The following PALM2AKAP2 variants were observed in gnomAD, a reference collection of about 807,000 sequenced individuals.
PALM2AKAP2 encodes PALM2-AKAP2 fusion protein.
Under a neutral mutation model 71.5 loss-of-function variants are expected in PALM2AKAP2, and 37 were observed. That is an observed-to-expected ratio of 0.52 (90% CI 0.40 to 0.68). PALM2AKAP2 has a LOEUF of 0.68. PALM2AKAP2 is among the 30% of genes least tolerant of loss of function. The pLI is 0.00. For missense variants in PALM2AKAP2, 1,224 were observed against 1,191.8 expected (o/e 1.03, Z -0.40); for synonymous variants, 468 against 478.8 (o/e 0.98, Z 0.29).
At chr9:109,842,728 A>G (rs1255175904) in intron 1 of PALM2AKAP2, among the ~76,000 whole-genome samples, 7 of 152,180 alleles carry the variant, frequency 4.6e-5, no homozygotes, top group African/African-American at 1.4e-4. Context: ...GTTCAAAATT[A>G]TCAAGGTCAG....
chr9:109,758,973 C>A (rs922108153), intron 1 of PALM2AKAP2, among the ~76,000 whole-genome samples: 1 of 152,006 alleles, frequency 6.6e-6, no homozygotes, highest in Admixed American at 6.6e-5. Flanking sequence ...GTGTTTCAAG[C>A]TATTTGTATT....
intron 1 of PALM2AKAP2, among the ~76,000 whole-genome samples, chr9:109,812,827 G>A (rs942307718): frequency 1.2e-4 from 18 of 151,966 alleles, no homozygotes; most frequent in African/African-American, 3.2e-4. Context: ...GCCTTGCTCC[G>A]TGATCTTCCC....
intron 3 of PALM2AKAP2, among the ~76,000 whole-genome samples, chr9:109,882,816 A>G (rs1344741576): frequency 7.0e-6 from 1 of 143,842 alleles, no homozygotes; most frequent in Non-Finnish European, 1.5e-5. Flanking sequence ...CATTATTATT[A>G]TTTTTTTTTT....
At chr9:110,006,452 A>G (rs1362209241) in intron 6 of PALM2AKAP2, among the ~76,000 whole-genome samples, 2 of 151,500 alleles carry the variant, frequency 1.3e-5, no homozygotes, top group African/African-American at 4.9e-5. Context: ...CCTGGGCTCA[A>G]GTGATGATCC....
intron 1 of PALM2AKAP2, among the ~76,000 whole-genome samples, chr9:109,855,659 T>C (rs1829143560): frequency 6.6e-6 from 1 of 152,234 alleles, no homozygotes; most frequent in Admixed American, 6.5e-5. Flanking sequence ...ATTGCCTGAG[T>C]CCATCTAGAA....
chr9:110,080,830 C>T (rs2118693565), intron 1 of PALM2AKAP2, among the ~76,000 whole-genome samples: 1 of 152,272 alleles, frequency 6.6e-6, no homozygotes. Context: ...AGGCACCCGC[C>T]ACCATGACCA....
intron 1 of PALM2AKAP2, among the ~76,000 whole-genome samples, chr9:109,852,845 G>A (rs1220689972): frequency 3.3e-5 from 5 of 152,082 alleles, no homozygotes; most frequent in African/African-American, 1.2e-4. Context: ...AAAAGTGTCT[G>A]TTCATGTCCC....
chr9:110,029,007 A>G (rs1833231868), intron 7 of PALM2AKAP2, among the ~76,000 whole-genome samples: 2 of 151,800 alleles, frequency 1.3e-5, no homozygotes, highest in African/African-American at 4.8e-5. Flanking sequence ...ATTAAGCTTT[A>G]AACCAGACAG....
chr9:109,765,984 T>C (rs765609850), intron 1 of PALM2AKAP2, among the ~76,000 whole-genome samples: 10 of 152,206 alleles, frequency 6.6e-5, no homozygotes, highest in African/African-American at 2.4e-4. Context: ...ATGCAGAGTG[T>C]CACATGCCTG....
intron 1 of PALM2AKAP2, among the ~76,000 whole-genome samples, chr9:109,675,856 G>C (rs776962310): frequency 2.6e-5 from 4 of 152,036 alleles, no homozygotes; most frequent in Admixed American, 2.6e-4. Flanking sequence ...CCTATGCCTT[G>C]TCCCCCTTTG....
intron 1 of PALM2AKAP2, among the ~76,000 whole-genome samples, chr9:110,113,301 C>T (rs1228947978): frequency 4.7e-5 from 7 of 148,986 alleles, no homozygotes; most frequent in Non-Finnish European, 1.0e-4. Flanking sequence ...TGCAGTGGTG[C>T]GATCTCAGCT....
chr9:109,815,013 T>C (rs1827816735), intron 1 of PALM2AKAP2, among the ~76,000 whole-genome samples: 1 of 151,822 alleles, frequency 6.6e-6, no homozygotes, highest in Non-Finnish European at 1.5e-5. Context: ...GGATGGGGAG[T>C]GGGCAGTAAG....
At chr9:110,145,011 A>G (rs1438202360) in intron 2 of PALM2AKAP2, among the ~76,000 whole-genome samples, 4 of 152,092 alleles carry the variant, frequency 2.6e-5, no homozygotes, top group African/African-American at 4.8e-5. Flanking sequence ...AGCCTGCTCT[A>G]TGAGGTATAC....
intron 3 of PALM2AKAP2, among the ~76,000 whole-genome samples, chr9:109,903,647 G>A (rs1050215292): frequency 6.6e-6 from 1 of 152,144 alleles, no homozygotes; most frequent in African/African-American, 2.4e-5. Flanking sequence ...CAAATCAGCA[G>A]AATCACAGCT....
chr9:110,023,579 G>A (rs1474371052), intron 7 of PALM2AKAP2, among the ~76,000 whole-genome samples: 1 of 151,858 alleles, frequency 6.6e-6, no homozygotes, highest in African/African-American at 2.4e-5. Flanking sequence ...CTCACAAAGT[G>A]CTGGGATTAC....
chr9:109,642,721 T>G (rs1285370949), intron 1 of PALM2AKAP2, among the ~76,000 whole-genome samples: 2 of 151,704 alleles, frequency 1.3e-5, no homozygotes, highest in African/African-American at 2.4e-5. Context: ...CCCAGCTAAT[T>G]TTTAATTTTT....
intron 1 of PALM2AKAP2, among the ~76,000 whole-genome samples, chr9:109,716,566 T>C (rs1828323077): frequency 6.8e-6 from 1 of 147,932 alleles, no homozygotes. Flanking sequence ...ATCTGGCATC[T>C]GTAAGCTGGC....
rs575768086 is a variant in PALM2AKAP2, at chr9:110,063,183, C to G, written c.156+14328C>G. On this transcript the variant is annotated intron_variant, in intron 1 of 3. Coordinates refer to ENST00000374525, the Ensembl canonical transcript of PALM2AKAP2. ...AAATTTGGAATCCTCAAAATCATCT[C>G]TGGAGAAAGGCATACATCTGTCTCC... 1.9e-4 allele frequency among the ~76,000 whole-genome samples: 28 copies of G among 150,850 alleles called. No homozygotes were observed. The South Asian group carries it at 4.2e-3, about 23-fold the overall frequency.
At chr9:109,929,887 A>AT (rs768243071) in intron 5 of PALM2AKAP2, among the ~76,000 whole-genome samples, 4 of 143,630 alleles carry the variant, frequency 2.8e-5, no homozygotes, top group Non-Finnish European at 4.5e-5. Flanking sequence ...AAAAAAAAAA[A>AT]GAGAGAGAAT....
Sources: gnomAD v4.1 joint callset for allele counts (sites outside exome capture counted in the v4.1 genomes callset) on GRCh38, gnomAD v4.1.1 for gene constraint, MANE v1.5 for transcripts, NCBI Gene and HGNC (gene_info 2026-07-23, HGNC 2026-07-21) for gene names.